PRKAR2B: variants seen among roughly 807,000 people sequenced by gnomAD.
The protein encoded by PRKAR2B is protein kinase cAMP-dependent type II regulatory subunit beta.
Under a neutral mutation model 49.9 loss-of-function variants are expected in PRKAR2B, and 14 were observed. The ratio of observed to expected loss-of-function variants is 0.28; its 90% CI spans 0.19 to 0.44. PRKAR2B has a LOEUF of 0.44. PRKAR2B is among the 20% of genes least tolerant of loss of function. PRKAR2B has a pLI of 1.00. For missense variants in PRKAR2B, 393 were observed against 537.9 expected (o/e 0.73, Z 2.67); for synonymous variants, 196 against 197.7 (o/e 0.99, Z 0.07).
intron 1 of PRKAR2B, 85 bp from the exon 2 acceptor site, chr7:107,070,196 A>G (rs1167631186): frequency 1.1e-6 from 1 of 935,134 alleles, no homozygotes; most frequent in Non-Finnish European, 1.6e-6. Context: ...TTAAATTATA[A>G]GATGGTTTAC....
chr7:107,069,277 C>T (rs995453821), intron 1 of PRKAR2B, among the ~76,000 whole-genome samples: 1 of 152,198 alleles, frequency 6.6e-6, no homozygotes, highest in Non-Finnish European at 1.5e-5. Flanking sequence ...AGGATTAATG[C>T]ACTACACATC....
chr7:107,083,481 A>G (rs2707374), intron 2 of PRKAR2B, among the ~76,000 whole-genome samples: 23,783 of 152,084 alleles, frequency 0.16, 3,028 homozygotes, highest in African/African-American at 0.34. Context: ...TATGAGAATC[A>G]CTAGTGCAAT....
chr7:107,131,910 A>G (rs1795610867), intron 4 of PRKAR2B, among the ~76,000 whole-genome samples: 1 of 152,188 alleles, frequency 6.6e-6, no homozygotes, highest in African/African-American at 2.4e-5. Context: ...AGCTCCTTTC[A>G]TTTTAATTTC....
intron 4 of PRKAR2B, among the ~76,000 whole-genome samples, chr7:107,137,065 A>G (rs1186923771): frequency 6.6e-6 from 1 of 152,226 alleles, no homozygotes; most frequent in African/African-American, 2.4e-5. Context: ...TATGTGCTGC[A>G]TGATTCCAAC....
chr7:107,080,653 A>T (rs914390386), intron 2 of PRKAR2B, among the ~76,000 whole-genome samples: 1 of 152,192 alleles, frequency 6.6e-6, no homozygotes, highest in South Asian at 2.1e-4. Context: ...ATTATAATTT[A>T]TTCACTGTAA....
At chr7:107,065,991 C>T (rs550589200) in intron 1 of PRKAR2B, among the ~76,000 whole-genome samples, 33 of 152,130 alleles carry the variant, frequency 2.2e-4, no homozygotes, top group Non-Finnish European at 4.0e-4. Context: ...CTCTTGGGAG[C>T]GTAGGAACTA....
intron 1 of PRKAR2B, among the ~76,000 whole-genome samples, chr7:107,054,794 G>A (rs972795812): frequency 1.3e-5 from 2 of 152,088 alleles, no homozygotes; most frequent in South Asian, 2.1e-4. Context: ...AACTTCTTAG[G>A]CATGTAAATA....
chr7:107,126,244 CAAAATACAA>C (rs1363353698), intron 3 of PRKAR2B, among the ~76,000 whole-genome samples: 1 of 103,786 alleles, frequency 9.6e-6, no homozygotes, highest in Non-Finnish European at 2.0e-5. Context: ...ATACAAAATA[CAAAATACAA>C]AAAAAAAAAA....
At chr7:107,049,589 T>C (rs1793761317) in intron 1 of PRKAR2B, among the ~76,000 whole-genome samples, 1 of 152,166 alleles carries the variant, frequency 6.6e-6, no homozygotes, top group Non-Finnish European at 1.5e-5. Context: ...GTTTATATCA[T>C]TGATATAAAA....
chr7:107,138,034 C>G (rs749360098), intron 4 of PRKAR2B, among the ~76,000 whole-genome samples: 10 of 151,976 alleles, frequency 6.6e-5, no homozygotes, highest in Non-Finnish European at 1.5e-4. Flanking sequence ...TTTATATTTC[C>G]TCCTTTTTGT....
At chr7:107,126,915 C>G (rs1006813225) in intron 3 of PRKAR2B, among the ~76,000 whole-genome samples, 1 of 152,116 alleles carries the variant, frequency 6.6e-6, no homozygotes, top group East Asian at 1.9e-4. Flanking sequence ...TTACATCTAC[C>G]TTACCCTTAG....
chr7:107,065,939 C>T lies in PRKAR2B; in HGVS notation c.308-4342C>T, dbSNP rs530046625. The stretch of plus-strand genomic sequence containing the variant: ...ATGGAGGATTTTTCTTGTAAGGACA[C>T]GGAAGGATTAAAGAAGACTTGAATC... On this transcript the variant is annotated intron_variant, in intron 1 of 10. Coordinates refer to ENST00000265717, the MANE Select transcript of PRKAR2B (RefSeq NM_002736.3). Among the ~76,000 whole-genome samples, 11 of 152,170 alleles carry T rather than the reference C, an allele frequency of 7.2e-5. No individual in the cohort carries two copies. In the South Asian group the frequency reaches 1.7e-3, roughly 23 times the overall value.
At chr7:107,114,077 A>G (rs1159513001) in intron 2 of PRKAR2B, among the ~76,000 whole-genome samples, 1 of 152,174 alleles carries the variant, frequency 6.6e-6, no homozygotes, top group Non-Finnish European at 1.5e-5. Flanking sequence ...GAAATGGTTG[A>G]TGTTTTATAG....
chr7:107,049,257 T>G (rs762903983), intron 1 of PRKAR2B, among the ~76,000 whole-genome samples: 7 of 152,146 alleles, frequency 4.6e-5, no homozygotes, highest in Non-Finnish European at 7.4e-5. Flanking sequence ...TAACTACACA[T>G]GGGCACATGC....
Position 107,117,037 on chromosome 7 carries a change from T to A in PRKAR2B, c.344-4915T>A, listed in dbSNP as rs193204972. 1.7e-3 allele frequency among the ~76,000 whole-genome samples: 263 copies of A among 150,470 alleles called. 5 individuals are homozygous for A. Among genetic ancestry groups the A allele is most frequent in the Admixed American group, 0.015 (228 of 14,958 alleles). ...CAATCTTTTTTCCATTATCATCCCC[T>A]ACCCCCAGTCTTTTTGGACTGTTGC... is the stretch of plus-strand genomic sequence containing the variant. On this transcript the variant is annotated intron_variant, in intron 2 of 10. Coordinates refer to ENST00000265717, the MANE Select transcript of PRKAR2B (RefSeq NM_002736.3).
chr7:107,077,654 T>C (rs1794425044), intron 2 of PRKAR2B: 1 of 152,202 alleles, frequency 6.6e-6, no homozygotes, highest in Non-Finnish European at 1.5e-5. Flanking sequence ...GGCCAGGAGT[T>C]ATTTCATCCT....
Position 107,065,322 on chromosome 7 carries a change from ATGTGTGTGTGTGTGTGTGTGTGTG to A in PRKAR2B, c.308-4927_308-4904del, listed in dbSNP as rs71134248. On this transcript the variant is annotated intron_variant, in intron 1 of 10. Coordinates refer to ENST00000265717, the MANE Select transcript of PRKAR2B (RefSeq NM_002736.3). ...ATTTTTGTTTGCTCGGGGTGTGTGT[ATGTGTGTGTGTGTGTGTGTGTGTG>A]TGTGTGTGTGTGTGTGTGTGTGTGT... 1.9e-3 allele frequency among the ~76,000 whole-genome samples: 277 copies of A among 143,802 alleles called. 1 individual carries two copies. The highest frequency in any genetic ancestry group is 3.5e-3 in the Non-Finnish European group (226 of 65,138). The allele number at this position is 143,802 out of a possible 152,430, so 94.3% of individuals were successfully genotyped here.
intron 2 of PRKAR2B, among the ~76,000 whole-genome samples, chr7:107,098,840 A>G (rs1393339039): frequency 6.6e-6 from 1 of 152,170 alleles, no homozygotes; most frequent in East Asian, 1.9e-4. Context: ...CAAATATTGC[A>G]GAACGGCAAA....
At chr7:107,116,963 A>G (rs1795287338) in intron 2 of PRKAR2B, among the ~76,000 whole-genome samples, 1 of 148,464 alleles carries the variant, frequency 6.7e-6, no homozygotes, top group Non-Finnish European at 1.5e-5. Context: ...GTGTATATAT[A>G]TATATATGTG....
Sources: allele counts gnomAD v4.1 joint callset (sites outside exome capture counted in the v4.1 genomes callset), GRCh38; gene constraint gnomAD v4.1.1; transcripts MANE v1.5; gene names NCBI Gene and HGNC (gene_info 2026-07-23, HGNC 2026-07-21).